ALK: variants seen among roughly 807,000 people sequenced by gnomAD.
The protein encoded by ALK is ALK tyrosine kinase receptor.
A neutral mutation model predicts 163.1 loss-of-function variants in ALK; 74 were observed. The observed-to-expected ratio is 0.45, with a 90% CI of 0.38 to 0.55. The LOEUF (loss-of-function observed/expected upper bound fraction) is 0.55. Among genes scored for constraint, ALK ranks in the 20% least tolerant of loss-of-function variants. ALK has a pLI of 0.00. For synonymous variants in ALK, 960 were observed against 843.2 expected (o/e 1.14, Z -2.40); for missense variants, 2,063 against 2,105.3 (o/e 0.98, Z 0.39).
At chr2:29,548,561 AAC>A (rs1458657004) in intron 3 of ALK, among the ~76,000 whole-genome samples, 1 of 149,192 alleles carries the variant, frequency 6.7e-6, no homozygotes, top group Non-Finnish European at 1.5e-5. Context: ...TCTTGTGGGA[AAC>A]ACACAGCAAA....
At chr2:29,665,869 A>G (rs1348065852) in intron 3 of ALK, among the ~76,000 whole-genome samples, 1 of 152,094 alleles carries the variant, frequency 6.6e-6, no homozygotes, top group Non-Finnish European at 1.5e-5. Flanking sequence ...TATACCATGA[A>G]TTTCACTTAC....
rs545471225 is a variant in ALK at position 29,452,825 on chromosome 2, C to T, written c.1155-68966G>A. Among the ~76,000 whole-genome samples, 5 of 152,290 alleles carry T rather than the reference C, an allele frequency of 3.3e-5. No individual in the cohort carries two copies. The South Asian group carries it at 1.0e-3, about 32-fold the overall frequency. On this transcript the variant is annotated intron_variant, in intron 4 of 28. Coordinates refer to ENST00000389048, the MANE Select transcript of ALK (RefSeq NM_004304.5). ...GGATCCATCACTTCTGGGGTCTCCT[C>T]TCCATAATGTAGAACCTCAGTCTAC...
intron 3 of ALK, among the ~76,000 whole-genome samples, chr2:29,634,222 C>T (rs751147557): frequency 1.3e-4 from 19 of 151,858 alleles, no homozygotes; most frequent in African/African-American, 2.9e-4. Flanking sequence ...CTCACCCTCT[C>T]GAATAGCTAG....
intron 1 of ALK, among the ~76,000 whole-genome samples, chr2:29,833,970 T>C (rs1665490364): frequency 6.6e-6 from 1 of 152,214 alleles, no homozygotes; most frequent in Non-Finnish European, 1.5e-5. Flanking sequence ...GCCCTCATTA[T>C]CTCAAGCCAG....
chr2:29,466,289 A>G (rs1243594247), intron 4 of ALK, among the ~76,000 whole-genome samples: 1 of 152,110 alleles, frequency 6.6e-6, no homozygotes, highest in Non-Finnish European at 1.5e-5. Flanking sequence ...AGTTCCCGTC[A>G]TCTATTGTTT....
intron 4 of ALK, among the ~76,000 whole-genome samples, chr2:29,391,129 A>C (rs560690505): frequency 2.0e-4 from 31 of 152,160 alleles, no homozygotes; most frequent in Non-Finnish European, 3.8e-4. Flanking sequence ...GCTGTAAAGC[A>C]GTTTTCATTT....
At chr2:29,666,870 C>T (rs1677528429) in intron 3 of ALK, among the ~76,000 whole-genome samples, 1 of 152,016 alleles carries the variant, frequency 6.6e-6, no homozygotes, top group African/African-American at 2.4e-5. Context: ...CCTCTGGTAA[C>T]CACCAATCTA....
intron 14 of ALK, 54 bp downstream of exon 14, chr2:29,233,511 C>G (rs1664277826): frequency 6.2e-7 from 1 of 1,613,038 alleles, no homozygotes; most frequent in Non-Finnish European, 8.5e-7. Flanking sequence ...TCATGAGGCT[C>G]TGACATTGCA....
chr2:29,220,636 A>G, intron 23 of ALK, 70 bp downstream of exon 23: 1 of 1,607,508 alleles, frequency 6.2e-7, no homozygotes, highest in South Asian at 1.1e-5. Flanking sequence ...CAGGCTGCCC[A>G]CTCTTGCTCC....
intron 5 of ALK, among the ~76,000 whole-genome samples, chr2:29,361,879 C>T (rs994485876): frequency 6.6e-6 from 1 of 152,190 alleles, no homozygotes; most frequent in South Asian, 2.1e-4. Context: ...AAAGCTGTCA[C>T]CATTCCTTCG....
chr2:29,748,532 C>T (rs763547297), intron 1 of ALK, among the ~76,000 whole-genome samples: 1 of 152,030 alleles, frequency 6.6e-6, no homozygotes, highest in East Asian at 1.9e-4. Context: ...GCTGGTCAAA[C>T]ACTATACATT....
intron 5 of ALK, among the ~76,000 whole-genome samples, chr2:29,381,578 G>T (rs575778195): frequency 6.6e-6 from 1 of 152,308 alleles, no homozygotes; most frequent in South Asian, 2.1e-4. Context: ...TGCTCCATCT[G>T]TGCCTCATCA....
chr2:29,546,497 G>T (rs114383174), intron 3 of ALK, among the ~76,000 whole-genome samples: 6 of 152,340 alleles, frequency 3.9e-5, no homozygotes, highest in Non-Finnish European at 5.9e-5. Flanking sequence ...ATGAGAAACA[G>T]GAGGAAGGAG....
chr2:29,677,536 T>G (rs2148275997), intron 3 of ALK, among the ~76,000 whole-genome samples: 1 of 152,148 alleles, frequency 6.6e-6, no homozygotes, highest in East Asian at 1.9e-4. Context: ...TTTATTGAGA[T>G]AGCCAAACGG....
chr2:29,280,188 C>T (rs1245873679), intron 9 of ALK, among the ~76,000 whole-genome samples: 1 of 152,046 alleles, frequency 6.6e-6, no homozygotes, highest in East Asian at 1.9e-4. Context: ...CCATGTAGAC[C>T]ACTCTGGGAC....
At chr2:29,506,123 C>A (rs72794475) in intron 4 of ALK, among the ~76,000 whole-genome samples, 13,878 of 152,144 alleles carry the variant, frequency 0.091, 712 homozygotes, top group Non-Finnish European at 0.11. Context: ...AGAGGCTCTA[C>A]GTAAGTCTCT....
At chr2:29,298,402 T>G (rs1331598042) in intron 8 of ALK, among the ~76,000 whole-genome samples, 1 of 152,228 alleles carries the variant, frequency 6.6e-6, no homozygotes, top group Non-Finnish European at 1.5e-5. Flanking sequence ...CCCTGCTAAC[T>G]GTAAACCCTT....
intron 4 of ALK, among the ~76,000 whole-genome samples, chr2:29,444,954 A>C (rs1199065276): frequency 1.3e-5 from 2 of 152,148 alleles, no homozygotes; most frequent in Non-Finnish European, 2.9e-5. Flanking sequence ...TAGGGGTTAC[A>C]GGTGCGTGAC....
At chr2:29,461,589 A>C (rs1370050384) in intron 4 of ALK, among the ~76,000 whole-genome samples, 1 of 152,152 alleles carries the variant, frequency 6.6e-6, no homozygotes, top group East Asian at 1.9e-4. Context: ...ATCACAATAC[A>C]TGGTTTACTA....
Sources: allele counts gnomAD v4.1 joint callset (sites outside exome capture counted in the v4.1 genomes callset), GRCh38; gene constraint gnomAD v4.1.1; transcripts MANE v1.5; gene names NCBI Gene and HGNC (gene_info 2026-07-23, HGNC 2026-07-21).